The following RBFOX3 variants were observed in gnomAD, a reference collection of about 807,000 sequenced individuals.
The protein encoded by RBFOX3 is RNA binding fox-1 homolog 3.
Under a neutral mutation model 48.7 loss-of-function variants are expected in RBFOX3, and 17 were observed. That is an observed-to-expected ratio of 0.35 (90% CI 0.24 to 0.52). RBFOX3 has a LOEUF of 0.52. Ranked by LOEUF, RBFOX3 falls within the 20% of genes least tolerant of loss-of-function variation. The pLI is 0.94. For synonymous variants in RBFOX3, 212 were observed against 209.5 expected (o/e 1.01, Z -0.10); for missense variants, 382 against 497.5 (o/e 0.77, Z 2.21).
intron 1 of RBFOX3, among the ~76,000 whole-genome samples, chr17:79,547,838 C>CCACACGCA (rs111514193): frequency 2.0e-5 from 3 of 152,026 alleles, no homozygotes; most frequent in African/African-American, 7.3e-5. Flanking sequence ...GTACTCGCAC[C>CCACACGCA]CACACCGATT....
intron 3 of RBFOX3, among the ~76,000 whole-genome samples, chr17:79,304,051 G>C (rs2075743796): frequency 6.6e-6 from 1 of 152,162 alleles, no homozygotes; most frequent in African/African-American, 2.4e-5. Flanking sequence ...AAGCTCTTTG[G>C]AGTGTATGTT....
At chr17:79,118,444 G>A (rs976190347) in intron 4 of RBFOX3, among the ~76,000 whole-genome samples, 3 of 152,124 alleles carry the variant, frequency 2.0e-5, no homozygotes, top group Non-Finnish European at 2.9e-5. Context: ...CATGAGGGAG[G>A]AGGAGGGGGA....
chr17:79,631,977 G>A, the RBFOX3 span, among the ~76,000 whole-genome samples: 102,321 of 151,980 alleles, frequency 0.67, 34,616 homozygotes, highest in African/African-American at 0.7. Context: ...CGTGTCATCC[G>A]CCTCCTGCCA....
intron 2 of RBFOX3, among the ~76,000 whole-genome samples, chr17:79,419,197 T>C (rs2065852583): frequency 6.6e-6 from 1 of 152,200 alleles, no homozygotes; most frequent in Non-Finnish European, 1.5e-5. Flanking sequence ...GTTTCAGGCA[T>C]ACGTGGCTGG....
At chr17:79,572,290 G>A (rs931029937) in intron 1 of RBFOX3, among the ~76,000 whole-genome samples, 2 of 152,114 alleles carry the variant, frequency 1.3e-5, no homozygotes, top group Admixed American at 6.5e-5. Context: ...GGGCAGCATC[G>A]CCCCGCCACC....
chr17:79,093,290 A>T (rs2074348602), intron 14 of RBFOX3, among the ~76,000 whole-genome samples: 1 of 148,516 alleles, frequency 6.7e-6, no homozygotes, highest in South Asian at 2.2e-4. Context: ...CCCACCACCC[A>T]GTTTTCCCAG....
At chr17:79,323,738 G>A (rs770231507) in intron 2 of RBFOX3, among the ~76,000 whole-genome samples, 3 of 152,356 alleles carry the variant, frequency 2.0e-5, no homozygotes, top group East Asian at 1.9e-4. Flanking sequence ...GCTGCGTGCC[G>A]AGAGCTGGCG....
intron 5 of RBFOX3, among the ~76,000 whole-genome samples, chr17:79,110,967 A>G (rs2031120903): frequency 6.6e-6 from 1 of 152,104 alleles, no homozygotes; most frequent in Non-Finnish European, 1.5e-5. Flanking sequence ...CCCCTTCCAT[A>G]AGCTGTGAGA....
chr17:79,537,255 G>A (rs187725437), intron 1 of RBFOX3, among the ~76,000 whole-genome samples: 275 of 152,228 alleles, frequency 1.8e-3, no homozygotes, highest in African/African-American at 6.1e-3. Flanking sequence ...TGGCATTGCC[G>A]GCGGTGCTCA....
chr17:79,444,645 C>T (rs1382893677), intron 2 of RBFOX3, among the ~76,000 whole-genome samples: 2 of 152,154 alleles, frequency 1.3e-5, no homozygotes, highest in South Asian at 2.1e-4. Context: ...AGACACTTCC[C>T]GGACTGGCCT....
chr17:79,618,433 C>G, the RBFOX3 span, among the ~76,000 whole-genome samples: 2 of 152,144 alleles, frequency 1.3e-5, no homozygotes, highest in Non-Finnish European at 2.9e-5. Flanking sequence ...AAAATCCATC[C>G]AAGCCGTGTG....
intron 4 of RBFOX3, among the ~76,000 whole-genome samples, chr17:79,200,993 C>G (rs1478584404): frequency 6.6e-6 from 1 of 152,084 alleles, no homozygotes; most frequent in African/African-American, 2.4e-5. Flanking sequence ...GCCCTCAGCT[C>G]CTTCCTCAGC....
Position 79,480,114 on chromosome 17 carries a change from G to C in RBFOX3, c.-175+2340C>G, listed in dbSNP as rs1274220956. On this transcript the variant is annotated intron_variant, in intron 2 of 14. Coordinates refer to ENST00000693108, the MANE Select transcript of RBFOX3 (RefSeq NM_001350451.2). This position sits in a 1 kb window ranked among gnomAD's most constrained non-coding sequence, Gnocchi z 4.8. The stretch of plus-strand genomic sequence containing the variant: ...ACTGCAGGGAGCCCCAGGACAGAAA[G>C]AGCCAGAAAGAGCAGTGGGATTCCT... Among the ~76,000 whole-genome samples, 1 of 152,218 alleles carries C rather than the reference G, an allele frequency of 6.6e-6. No individual in the cohort carries two copies. Among genetic ancestry groups the C allele is most frequent in the Admixed American group, 6.5e-5 (1 of 15,290 alleles).
rs11310195 is a variant in RBFOX3 at position 79,198,630 on chromosome 17, CTT to C, written c.-34+37134_-34+37135del. On this transcript the variant is annotated intron_variant, in intron 4 of 14. Coordinates refer to ENST00000693108, the MANE Select transcript of RBFOX3 (RefSeq NM_001350451.2). This position sits in a 1 kb window ranked among gnomAD's most constrained non-coding sequence, Gnocchi z 8.2. ...CCCTGCTTTTGAACTTTCTCTCTCT[CTT>C]TTTTTTTTTTTAAGATGGAGTCTTG... Among the ~76,000 whole-genome samples the C allele has an allele frequency of 5.7e-3, 841 of 146,876 alleles. 7 individuals are homozygous for C. Among genetic ancestry groups the C allele is most frequent in the East Asian group, 0.014 (71 of 5,034 alleles).
At chr17:79,095,203 G>A (rs994044548) in intron 13 of RBFOX3, among the ~76,000 whole-genome samples, 2 of 151,380 alleles carry the variant, frequency 1.3e-5, no homozygotes, top group Non-Finnish European at 2.9e-5. Context: ...GCACTCAAGC[G>A]TCTGCCTCCA....
intron 1 of RBFOX3, among the ~76,000 whole-genome samples, chr17:79,520,539 C>T (rs2085910456): frequency 6.6e-6 from 1 of 152,202 alleles, no homozygotes; most frequent in South Asian, 2.1e-4. Flanking sequence ...TCCCACACCG[C>T]CTGCCCCCTG....
At chr17:79,177,536 A>G (rs1329473529) in intron 4 of RBFOX3, among the ~76,000 whole-genome samples, 1 of 152,120 alleles carries the variant, frequency 6.6e-6, no homozygotes, top group Non-Finnish European at 1.5e-5. Flanking sequence ...CCCCTCTGCG[A>G]GCCCAACCTG....
In RBFOX3 at chr17:79,152,004, G is replaced by A. The variant is rs1476353749; in HGVS notation, c.-33-36256C>T. Among the ~76,000 whole-genome samples the A allele has an allele frequency of 5.3e-5, 8 of 151,762 alleles. 2 individuals are homozygous for A. Among genetic ancestry groups the A allele is most frequent in the Non-Finnish European group, 1.2e-4 (8 of 67,866 alleles). ...CCCCATCCCCAAGGCCCCCTGTCCC[G>A]CAGGGGAGAACGCTAAGAAATGGGG... On this transcript the variant is annotated intron_variant, in intron 4 of 14. Transcript: ENST00000693108.
chr17:79,160,992 A>AC, intron 4 of RBFOX3, among the ~76,000 whole-genome samples: 1 of 152,060 alleles, frequency 6.6e-6, no homozygotes, highest in African/African-American at 2.4e-5. Flanking sequence ...AAAAAAAAAA[A>AC]AAAAACAAAA....
Sources: gnomAD v4.1 joint callset for allele counts (sites outside exome capture counted in the v4.1 genomes callset) on GRCh38, gnomAD v4.1.1 for gene constraint, Gnocchi (gnomAD v3.1) non-coding constraint, MANE v1.5 for transcripts, NCBI Gene and HGNC (gene_info 2026-07-23, HGNC 2026-07-21) for gene names.